Variants in DCUN1D5 observed in about 807,000 individuals in gnomAD.
DCUN1D5 encodes the protein defective in cullin neddylation 1 domain containing 5.
In DCUN1D5, 10 loss-of-function variants were observed where a neutral mutation model predicts 38.3. The ratio of observed to expected loss-of-function variants is 0.26; its 90% CI spans 0.16 to 0.44. The LOEUF (loss-of-function observed/expected upper bound fraction) is 0.44. Ranked by LOEUF, DCUN1D5 falls within the 20% of genes least tolerant of loss-of-function variation. DCUN1D5 has a pLI of 1.00. For synonymous variants in DCUN1D5, 93 were observed against 90.9 expected, an observed-to-expected ratio of 1.02 and a Z score of -0.13; for missense variants, 148 against 275.3, an observed-to-expected ratio of 0.54 and a Z score of 3.27.
chr11:103,081,151 CTTATG>C (rs1862554880), intron 4 of DCUN1D5, among the ~76,000 whole-genome samples: 1 of 152,040 alleles, frequency 6.6e-6, no homozygotes, highest in Non-Finnish European at 1.5e-5. Flanking sequence ...ATTGTATCAA[CTTATG>C]CAAAAACATA....
chr11:103,065,213 G>A lies in DCUN1D5; in HGVS notation c.556-836C>T, dbSNP rs1417502849. ...GTCACCCAGGCTGGAGTGTAGTGGT[G>A]CAATCTCAGCTTACTGCAACCTCCA... On this transcript the variant is annotated intron_variant, in intron 6 of 7. Transcript: ENST00000260247. The surrounding 1 kb of genome is among the most constrained non-coding windows in gnomAD (Gnocchi z 4.6). Among the ~76,000 whole-genome samples, 1 of 151,146 alleles carries A rather than the reference G, an allele frequency of 6.6e-6. No homozygotes were observed. Among genetic ancestry groups the A allele is most frequent in the Non-Finnish European group, 1.5e-5 (1 of 67,872 alleles).
At chr11:103,068,654 A>G (rs1396217194) in intron 4 of DCUN1D5, among the ~76,000 whole-genome samples, 1 of 152,122 alleles carries the variant, frequency 6.6e-6, no homozygotes, top group Non-Finnish European at 1.5e-5. Flanking sequence ...GAACACAAAG[A>G]AGGAAACAAC....
Position 103,062,066 on chromosome 11 carries a change from G to A in DCUN1D5, c.*293C>T, listed in dbSNP as rs1862025565. 2 of 326,250 alleles carry A rather than the reference G, an allele frequency of 6.1e-6. No individual in the cohort carries two copies. Among genetic ancestry groups the A allele is most frequent in the African/African-American group, 2.1e-5 (1 of 46,530 alleles). The allele number at this position is 326,250 out of a possible 1,614,324, so 20.2% of individuals were successfully genotyped here. On this transcript the variant is annotated 3_prime_UTR_variant, in exon 8 of 8. Coordinates refer to ENST00000260247, the MANE Select transcript of DCUN1D5 (RefSeq NM_032299.4). The surrounding 1 kb of genome is among the most constrained non-coding windows in gnomAD (Gnocchi z 4.6). ...AAATAAATACCACTCTGACACTCAAGGGACATCTTCACTTTAAGGCCTTTG... is the reference window on the plus strand; with the variant it reads ...AAATAAATACCACTCTGACACTCAAAGGACATCTTCACTTTAAGGCCTTTG...
rs1489070091 is a variant in DCUN1D5, at chr11:103,091,992, GCCAGCCCGCACCGGCGCGGC to G, written c.-140_-121del. 1.1e-6 allele frequency: 1 copy of G among 945,032 alleles called. No individual in the cohort carries two copies. Among genetic ancestry groups the G allele is most frequent in the Non-Finnish European group, 1.5e-6 (1 of 649,302 alleles). 58.5% of individuals were successfully genotyped at this position (945,032 alleles called of 1,614,324 possible). On this transcript the variant is annotated 5_prime_UTR_variant, in exon 1 of 8. Transcript: ENST00000260247. The surrounding 1 kb of genome is among the most constrained non-coding windows in gnomAD (Gnocchi z 4.3). ...CAGCAGCAAGCGGAGGAGCAGAGTC[GCCAGCCCGCACCGGCGCGGC>G]CCAGCCCGGCCGCCGCCCGCTCCCA...
At position 103,055,376 on chromosome 11, in the gene DCUN1D5, AAATTGAATTGGAATAGC is replaced by A. The variant is rs1352966917; in HGVS notation, c.*6966_*6982del. On this transcript the variant is annotated 3_prime_UTR_variant, in exon 8 of 8. Transcript: ENST00000260247. ...CCTGCCCTCTAGTGCTAAAACTGTC[AAATTGAATTGGAATAGC>A]AATTTCCAACAATGAGAAAAAGAAA... The A allele has an allele frequency of 2.6e-5, 4 of 152,182 alleles. No individual in the cohort carries two copies. The highest frequency in any genetic ancestry group is 9.7e-5 in the African/African-American group (4 of 41,450). The allele number at this position is 152,182 out of a possible 1,614,324, so 9.4% of individuals were successfully genotyped here. A position where few individuals can be genotyped will look rare whatever the true frequency, so the allele number is the denominator to read the frequency against.
Position 103,057,213 on chromosome 11 carries a change from C to T in DCUN1D5, c.*5146G>A, listed in dbSNP as rs1297328334. ...CAGAATAGTAAAGTATATAAACTAACTTCACTTAAGTCAATACTCACAAGT... is the reference window on the plus strand; with the variant it reads ...CAGAATAGTAAAGTATATAAACTAATTTCACTTAAGTCAATACTCACAAGT... On this transcript the variant is annotated 3_prime_UTR_variant, in exon 8 of 8. Transcript: ENST00000260247. The surrounding 1 kb of genome is among the most constrained non-coding windows in gnomAD (Gnocchi z 4.8). 6.6e-6 allele frequency among the ~76,000 whole-genome samples: 1 copy of T among 152,194 alleles called. No homozygotes were observed. The highest frequency in any genetic ancestry group is 1.5e-5 in the Non-Finnish European group (1 of 68,032).
rs17099904 is a variant in DCUN1D5, at chr11:103,078,616, G to A, written c.341+4132C>T. 2.8e-3 allele frequency among the ~76,000 whole-genome samples: 432 copies of A among 152,282 alleles called. 13 individuals are homozygous for A. The East Asian group carries it at 0.044, about 15-fold the overall frequency. ...TAACATAGATTTAAACTCTCTCAAC[G>A]TATTAGCTAAAGCACTCTACAGTGA... On this transcript the variant is annotated intron_variant, in intron 4 of 7. Coordinates refer to ENST00000260247, the MANE Select transcript of DCUN1D5 (RefSeq NM_032299.4). The surrounding 1 kb of genome is among the most constrained non-coding windows in gnomAD (Gnocchi z 4.6).
At chr11:103,075,155 T>C (rs1862377883) in intron 4 of DCUN1D5, among the ~76,000 whole-genome samples, 1 of 152,190 alleles carries the variant, frequency 6.6e-6, no homozygotes, top group Admixed American at 6.5e-5. Flanking sequence ...TTGCATAAGT[T>C]TGTCATCAAT....
chr11:103,077,766 G>C lies in DCUN1D5; in HGVS notation c.341+4982C>G, dbSNP rs1205878584. ...ACATTGATGTGTAACACGAAGAATT[G>C]TGTCACAAAGTTCTGGATTTAGAAC... On this transcript the variant is annotated intron_variant, in intron 4 of 7. Transcript: ENST00000260247. This position sits in a 1 kb window ranked among gnomAD's most constrained non-coding sequence, Gnocchi z 4.3. Among the ~76,000 whole-genome samples, 1 of 152,172 alleles carries C rather than the reference G, an allele frequency of 6.6e-6. No individual in the cohort carries two copies. The highest frequency in any genetic ancestry group is 2.1e-4 in the South Asian group (1 of 4,830).
chr11:103,072,846 A>G (rs1358813206), intron 4 of DCUN1D5, among the ~76,000 whole-genome samples: 1 of 152,182 alleles, frequency 6.6e-6, no homozygotes, highest in African/African-American at 2.4e-5. Context: ...AACATGGCAC[A>G]TGTATACATA....
rs1057441847 is a variant in DCUN1D5, at chr11:103,091,239, G to A, written c.86+548C>T. 6.6e-6 allele frequency among the ~76,000 whole-genome samples: 1 copy of A among 152,074 alleles called. No homozygotes were observed. The highest frequency in any genetic ancestry group is 2.4e-5 in the African/African-American group (1 of 41,402). ...AAAATGGGGCTCCTGCAATTTAAAAGGCCTCCTGCTGGGACCTTCCGGGTT... is the reference window on the plus strand; with the variant it reads ...AAAATGGGGCTCCTGCAATTTAAAAAGCCTCCTGCTGGGACCTTCCGGGTT... On this transcript the variant is annotated intron_variant, in intron 1 of 7. Transcript: ENST00000260247. The surrounding 1 kb of genome is among the most constrained non-coding windows in gnomAD (Gnocchi z 4.3).
chr11:103,073,402 C>T lies in DCUN1D5; in HGVS notation c.342-6835G>A, dbSNP rs1052275208. Among the ~76,000 whole-genome samples the T allele has an allele frequency of 1.3e-5, 2 of 152,108 alleles. No individual in the cohort carries two copies. Among genetic ancestry groups the T allele is most frequent in the African/African-American group, 2.4e-5 (1 of 41,416 alleles). On this transcript the variant is annotated intron_variant, in intron 4 of 7. Transcript: ENST00000260247. The surrounding 1 kb of genome is among the most constrained non-coding windows in gnomAD (Gnocchi z 4.2). ...AATTTATATGCTATTTAACCAAAAT[C>T]TCAGCAAGATATTTTTGTAAAGAAA...
chr11:103,068,211 A>C (rs976274266), intron 4 of DCUN1D5, among the ~76,000 whole-genome samples: 2 of 152,110 alleles, frequency 1.3e-5, no homozygotes, highest in African/African-American at 4.8e-5. Context: ...AATTTAATTA[A>C]TTTAATATAG....
In DCUN1D5 at chr11:103,064,121, GCTCT is replaced by G. The variant is rs1862079267; in HGVS notation, c.658+150_658+153del. On this transcript the variant is annotated intron_variant, in intron 7 of 7. Coordinates refer to ENST00000260247, the MANE Select transcript of DCUN1D5 (RefSeq NM_032299.4). The surrounding 1 kb of genome is among the most constrained non-coding windows in gnomAD (Gnocchi z 4.5). ...TTTTATATAATACTGCTGAATCTAA[GCTCT>G]CTCTCTACTTCTCCCACAATCCCTC... is the stretch of plus-strand genomic sequence containing the variant. Among the ~76,000 whole-genome samples, 2 of 151,968 alleles carry G rather than the reference GCTCT, an allele frequency of 1.3e-5. No individual in the cohort carries two copies. The highest frequency in any genetic ancestry group is 2.9e-5 in the Non-Finnish European group (2 of 67,964).
At chr11:103,088,639 T>G (rs1356386507) in intron 2 of DCUN1D5, among the ~76,000 whole-genome samples, 1 of 152,222 alleles carries the variant, frequency 6.6e-6, no homozygotes, top group Non-Finnish European at 1.5e-5. Flanking sequence ...ACTCTCACAG[T>G]GTATCTTCTG....
In DCUN1D5 at chr11:103,089,752, G is replaced by A. The variant is rs1485901551; in HGVS notation, c.87-434C>T. On this transcript the variant is annotated intron_variant, in intron 1 of 7. Transcript: ENST00000260247. ...ATGAATCAATATTTCAAAATAAAAT[G>A]TTATATTAAGAGTTGTTTTATCACC... 7.9e-5 allele frequency among the ~76,000 whole-genome samples: 12 copies of A among 151,974 alleles called. 1 individual carries two copies. The South Asian group carries it at 1.0e-3, about 13-fold the overall frequency.
chr11:103,081,453 C>A (rs1862561941), intron 4 of DCUN1D5, among the ~76,000 whole-genome samples: 1 of 152,062 alleles, frequency 6.6e-6, no homozygotes, highest in African/African-American at 2.4e-5. Context: ...TTTAACTGGG[C>A]ATATTATGAC....
In DCUN1D5 at chr11:103,071,266, A is replaced by C. The variant is rs1862264672; in HGVS notation, c.342-4699T>G. ...ACAAAGCACATTGAAAAGATCAATA[A>C]AATTGACAATTCTCTAACAAGACTG... On this transcript the variant is annotated intron_variant, in intron 4 of 7. Coordinates refer to ENST00000260247, the MANE Select transcript of DCUN1D5 (RefSeq NM_032299.4). The surrounding 1 kb of genome is among the most constrained non-coding windows in gnomAD (Gnocchi z 4.1). Among the ~76,000 whole-genome samples the C allele has an allele frequency of 6.6e-6, 1 of 152,190 alleles. No individual in the cohort carries two copies. Among genetic ancestry groups the C allele is most frequent in the South Asian group, 2.1e-4 (1 of 4,826 alleles).
rs1440777883 is a variant in DCUN1D5, at chr11:103,059,784, C to T, written c.*2575G>A. ...GGGGGGTTGCAATCTGTCCAATCAACATCTGGCTCTACTTTCTCCCAGTAG... is the reference window on the plus strand; with the variant it reads ...GGGGGGTTGCAATCTGTCCAATCAATATCTGGCTCTACTTTCTCCCAGTAG... On this transcript the variant is annotated 3_prime_UTR_variant, in exon 8 of 8. Coordinates refer to ENST00000260247, the MANE Select transcript of DCUN1D5 (RefSeq NM_032299.4). 6.6e-6 allele frequency among the ~76,000 whole-genome samples: 1 copy of T among 152,028 alleles called. No homozygotes were observed. Among genetic ancestry groups the T allele is most frequent in the Admixed American group, 6.6e-5 (1 of 15,266 alleles).
Sources: allele counts gnomAD v4.1 joint callset (sites outside exome capture counted in the v4.1 genomes callset), GRCh38; gene constraint gnomAD v4.1.1; non-coding constraint Gnocchi (gnomAD v3.1); transcripts MANE v1.5; gene names NCBI Gene and HGNC (gene_info 2026-07-23, HGNC 2026-07-21).